Variants in AUH observed in about 807,000 individuals in gnomAD.
AUH encodes the protein AU RNA binding methylglutaconyl-CoA hydratase, also known as methylglutaconyl-CoA hydratase, mitochondrial.
AUH carries 29 observed loss-of-function variants against 42.3 expected under a neutral mutation model. That is an observed-to-expected ratio of 0.69 (90% CI 0.51 to 0.93). AUH has a LOEUF of 0.93. AUH is among the 40% of genes least tolerant of loss of function. The probability of loss-of-function intolerance (pLI) is 0.00; values close to 1 mark genes in which losing one functional copy is unlikely to be tolerated. For synonymous variants in AUH, 174 were observed against 166.4 expected (o/e 1.05, Z -0.35); for missense variants, 452 against 438.1 (o/e 1.03, Z -0.28).
At chr9:91,252,474 C>T (rs954660715) in intron 6 of AUH, among the ~76,000 whole-genome samples, 2 of 152,080 alleles carry the variant, frequency 1.3e-5, no homozygotes, top group East Asian at 3.9e-4. Flanking sequence ...GAGGTGGTGC[C>T]ATCACCCTCA....
chr9:91,288,039 C>T (rs1298334505), intron 6 of AUH, among the ~76,000 whole-genome samples: 1 of 151,914 alleles, frequency 6.6e-6, no homozygotes, highest in East Asian at 1.9e-4. Flanking sequence ...TTTGAATATG[C>T]CTCCCCCCAG....
intron 3 of AUH, among the ~76,000 whole-genome samples, chr9:91,342,423 C>T (rs1831178153): frequency 6.6e-6 from 1 of 152,162 alleles, no homozygotes; most frequent in South Asian, 2.1e-4. Flanking sequence ...TGTAAGGTTC[C>T]AGCATTAGGA....
At chr9:91,248,741 C>A (rs112344036) in intron 6 of AUH, among the ~76,000 whole-genome samples, 1 of 152,134 alleles carries the variant, frequency 6.6e-6, no homozygotes, top group African/African-American at 2.4e-5. Flanking sequence ...GTAACAAAAC[C>A]ATTTCCCCTC....
intron 8 of AUH, 147 bp from the exon 9 acceptor site, chr9:91,216,253 C>T (rs1826814095): frequency 3.6e-6 from 3 of 842,218 alleles, no homozygotes; most frequent in Non-Finnish European, 5.8e-6. Flanking sequence ...CAACATGAGA[C>T]ACAGAACCAG....
At chr9:91,355,625 T>C (rs1180834643) in intron 3 of AUH, among the ~76,000 whole-genome samples, 1 of 152,152 alleles carries the variant, frequency 6.6e-6, no homozygotes, top group Non-Finnish European at 1.5e-5. Flanking sequence ...GTACTACATG[T>C]ACTACAGGTA....
chr9:91,300,246 C>T (rs1827679329), intron 4 of AUH, among the ~76,000 whole-genome samples: 1 of 152,162 alleles, frequency 6.6e-6, no homozygotes, highest in South Asian at 2.1e-4. Flanking sequence ...TTCTCATCCA[C>T]AACTTTTACC....
At position 91,356,081 on chromosome 9, in the gene AUH, C is replaced by CA. The variant is rs1832393954; in HGVS notation, c.330+6dup. On this transcript the variant is annotated splice_region_variant and intron_variant, in intron 2 of 9. Coordinates refer to ENST00000375731, the MANE Select transcript of AUH (RefSeq NM_001698.3). ...TTAGAAGCAAACAGTTTAATCTTTA[C>CA]ACTCACCATTTTTATAAGATTTTTA... 1 of 1,610,596 alleles carries CA rather than the reference C, an allele frequency of 6.2e-7. No homozygotes were observed. Among genetic ancestry groups the CA allele is most frequent in the Non-Finnish European group, 8.5e-7 (1 of 1,177,368 alleles).
intron 4 of AUH, among the ~76,000 whole-genome samples, chr9:91,304,454 G>T (rs183439314): frequency 1.3e-5 from 2 of 152,234 alleles, no homozygotes; most frequent in Admixed American, 1.3e-4. Flanking sequence ...GTGATGCAGA[G>T]TAAGACCATG....
chr9:91,277,388 T>C (rs1052422573), intron 6 of AUH, among the ~76,000 whole-genome samples: 11 of 152,124 alleles, frequency 7.2e-5, no homozygotes, highest in Admixed American at 7.2e-4. Context: ...TGTAGTATTA[T>C]CAACATTTCA....
intron 4 of AUH, among the ~76,000 whole-genome samples, chr9:91,306,977 C>T (rs1332058305): frequency 2.0e-5 from 3 of 151,946 alleles, no homozygotes; most frequent in Admixed American, 2.0e-4. Context: ...CAAAAAAAAG[C>T]GAATACATAC....
rs1831580838 is a variant in AUH, at chr9:91,347,212, T to TTTG, written c.418+8670_418+8671insCAA. On this transcript the variant is annotated intron_variant, in intron 3 of 9. Transcript: ENST00000375731. Reference sequence around the variant, plus strand: ...GCCACCACACCCAGTTAAGAGGGTTTTTTGTTTGTTTGTTTGTTTGTTTGT... The same window carrying TTTG: ...GCCACCACACCCAGTTAAGAGGGTTTTTGTTTGTTTGTTTGTTTGTTTGTTTGT... 2.0e-5 allele frequency among the ~76,000 whole-genome samples: 3 copies of TTTG among 150,062 alleles called. 1 individual carries two copies. Among genetic ancestry groups the TTTG allele is most frequent in the East Asian group, 3.9e-4 (2 of 5,076 alleles).
chr9:91,248,613 C>T (rs921964075), intron 6 of AUH, among the ~76,000 whole-genome samples: 2 of 152,134 alleles, frequency 1.3e-5, no homozygotes, highest in African/African-American at 4.8e-5. Context: ...AAATCTTAAG[C>T]TTATAATACC....
intron 9 of AUH, among the ~76,000 whole-genome samples, chr9:91,215,658 A>T (rs1826780144): frequency 6.6e-6 from 1 of 152,174 alleles, no homozygotes; most frequent in African/African-American, 2.4e-5. Context: ...GTCAGGAGAG[A>T]CAGATCAGAG....
intron 6 of AUH, among the ~76,000 whole-genome samples, chr9:91,280,499 G>A (rs1256868668): frequency 4.0e-5 from 6 of 151,678 alleles, no homozygotes; most frequent in African/African-American, 1.5e-4. Context: ...GTTATAAGGA[G>A]GAAATTAAAA....
At chr9:91,320,729 A>C (rs1224291875) in intron 4 of AUH, among the ~76,000 whole-genome samples, 1 of 152,174 alleles carries the variant, frequency 6.6e-6, no homozygotes, top group African/African-American at 2.4e-5. Context: ...TGGTCTCTAT[A>C]CACCAATTTT....
chr9:91,282,397 C>T (rs1245313364), intron 6 of AUH, among the ~76,000 whole-genome samples: 1 of 152,038 alleles, frequency 6.6e-6, no homozygotes, highest in East Asian at 1.9e-4. Context: ...TGTGCTAGGT[C>T]TACTGTTCCT....
chr9:91,225,374 A>G lies in AUH; in HGVS notation c.656-4382T>C, dbSNP rs918998918. ...TCAGTTCACCTTTTCTTAATTCTGA[A>G]TATCAAACTCCAATATTAACTTAGA... is the stretch of plus-strand genomic sequence containing the variant. On this transcript the variant is annotated intron_variant, in intron 6 of 9. Transcript: ENST00000375731. 2.6e-5 allele frequency among the ~76,000 whole-genome samples: 4 copies of G among 152,194 alleles called. No individual in the cohort carries two copies. The East Asian group carries it at 5.8e-4, about 22-fold the overall frequency.
At chr9:91,266,829 G>A (rs932535031) in intron 6 of AUH, among the ~76,000 whole-genome samples, 3 of 152,228 alleles carry the variant, frequency 2.0e-5, no homozygotes, top group African/African-American at 7.2e-5. Context: ...AGGTAACTTA[G>A]AGGTATGTAT....
chr9:91,255,128 A>G (rs1447828111), intron 6 of AUH, among the ~76,000 whole-genome samples: 5 of 152,232 alleles, frequency 3.3e-5, no homozygotes, highest in African/African-American at 1.2e-4. Context: ...GTAGACTTCT[A>G]ATAATCTTAT....
Sources: gnomAD v4.1 joint callset for allele counts (sites outside exome capture counted in the v4.1 genomes callset) on GRCh38, gnomAD v4.1.1 for gene constraint, MANE v1.5 for transcripts, NCBI Gene and HGNC (gene_info 2026-07-23, HGNC 2026-07-21) for gene names.